ZNF365: variants seen among roughly 807,000 people sequenced by gnomAD.
The protein encoded by ZNF365 is protein ZNF365.
ZNF365 carries 22 observed loss-of-function variants against 35.0 expected under a neutral mutation model. The ratio of observed to expected loss-of-function variants is 0.63; its 90% confidence interval spans 0.45 to 0.90. The LOEUF is 0.90. Ranked by LOEUF, ZNF365 falls within the 40% of genes least tolerant of loss-of-function variation. The pLI is 0.00. For synonymous variants in ZNF365, 188 were observed against 196.2 expected, an observed-to-expected ratio of 0.96 and a Z score of 0.35; for missense variants, 448 against 500.3, an observed-to-expected ratio of 0.90 and a Z score of 1.00.
At chr10:62,460,753 C>T (rs763714869) in intron 4 of ZNF365, among the ~76,000 whole-genome samples, 16 of 152,058 alleles carry the variant, frequency 1.1e-4, no homozygotes, top group Admixed American at 2.6e-4. Flanking sequence ...AGAGTTGAAA[C>T]GACAATGTGG....
chr10:62,459,907 T>C (rs1000563185), intron 4 of ZNF365: 2 of 905,262 alleles, frequency 2.2e-6, no homozygotes, highest in South Asian at 1.5e-5. Flanking sequence ...TTGGTTTCTG[T>C]ATGAAAACAC....
chr10:62,456,404 T>A (rs1840761204), intron 3 of ZNF365, among the ~76,000 whole-genome samples: 1 of 152,174 alleles, frequency 6.6e-6, no homozygotes, highest in African/African-American at 2.4e-5. Flanking sequence ...CCGTGTAAGA[T>A]GAGAAATTAT....
chr10:62,431,572 T>G (rs1161839093), intron 3 of ZNF365, among the ~76,000 whole-genome samples: 1 of 152,216 alleles, frequency 6.6e-6, no homozygotes, highest in Non-Finnish European at 1.5e-5. Flanking sequence ...GGGTCTACCC[T>G]ATTTTTGATG....
chr10:62,397,349 G>T (rs1180439880), intron 3 of ZNF365, among the ~76,000 whole-genome samples: 2 of 152,110 alleles, frequency 1.3e-5, no homozygotes, highest in African/African-American at 4.8e-5. Flanking sequence ...GTTAGGCTGA[G>T]CTTGGGTTTT....
intron 2 of ZNF365, among the ~76,000 whole-genome samples, chr10:62,377,519 C>A (rs1054173011): frequency 5.3e-5 from 8 of 152,048 alleles, no homozygotes; most frequent in African/African-American, 1.9e-4. Flanking sequence ...TCTGATATTG[C>A]TATACTTCTA....
chr10:62,426,525 A>G (rs1350678610), intron 3 of ZNF365, among the ~76,000 whole-genome samples: 1 of 152,054 alleles, frequency 6.6e-6, no homozygotes, highest in Non-Finnish European at 1.5e-5. Flanking sequence ...TCTGGAAACA[A>G]AGTTTATTAT....
intron 3 of ZNF365, among the ~76,000 whole-genome samples, chr10:62,417,995 C>T (rs1564581716): frequency 6.6e-6 from 1 of 151,818 alleles, no homozygotes; most frequent in Admixed American, 6.6e-5. Context: ...GGAACTAAGA[C>T]TTTAAATTAC....
Position 62,376,726 on chromosome 10 carries a change from A to G in ZNF365, c.533A>G (p.Lys178Arg), listed in dbSNP as rs756429330. 6.2e-7 allele frequency: 1 copy of G among 1,614,206 alleles called. No homozygotes were observed. The highest frequency in any genetic ancestry group is 8.5e-7 in the Non-Finnish European group (1 of 1,180,050). ...GAGGCTGTGGATAGGACCATTGAGA[A>G]GAGAATTGATAAACTCACCAAAGAG... ...MVEAVDRTIE[K>R]RIDKLTKELA... is the part of the protein sequence containing the mutation. Residue 178 changes from lysine to arginine, a missense_variant, in exon 2 of 5, where the codon AAG becomes AGG. Lys to Arg is a conservative substitution (Grantham distance 26). Around this residue, in one of 3 missense-constraint regions of ZNF365, gnomAD observed 362 missense variants for 375.7 expected, o/e 0.96. Coordinates refer to ENST00000395254, the MANE Select transcript of ZNF365 (RefSeq NM_014951.3).
At chr10:62,447,019 T>A (rs998480515) in intron 3 of ZNF365, among the ~76,000 whole-genome samples, 1 of 152,194 alleles carries the variant, frequency 6.6e-6, no homozygotes, top group Non-Finnish European at 1.5e-5. Context: ...TTCCTGTCAA[T>A]TAAAAACTAT....
chr10:62,400,763 G>T lies in ZNF365; in HGVS notation c.*974G>T. 2 of 985,604 alleles carry T rather than the reference G, an allele frequency of 2.0e-6. No homozygotes were observed. The highest frequency in any genetic ancestry group is 2.4e-6 in the Non-Finnish European group (2 of 830,064). The allele number at this position is 985,604 out of a possible 1,614,324, so 61.1% of individuals were successfully genotyped here. Reference sequence around the variant, plus strand: ...CTGCTATGGGCATGACTTTCTCTTCGCTGGCTTAACTTTTCCACTGGGTGG... The same window carrying T: ...CTGCTATGGGCATGACTTTCTCTTCTCTGGCTTAACTTTTCCACTGGGTGG... On this transcript the variant is annotated 3_prime_UTR_variant, in exon 5 of 5. Coordinates refer to ENST00000395254, the MANE Select transcript of ZNF365 (RefSeq NM_014951.3).
chr10:62,429,665 A>G (rs1840305243), intron 3 of ZNF365, among the ~76,000 whole-genome samples: 2 of 152,232 alleles, frequency 1.3e-5, no homozygotes, highest in Admixed American at 1.3e-4. Context: ...AATGTCATTT[A>G]TTCTAACTTC....
chr10:62,475,540 A>T (rs933526779), intron 4 of ZNF365, among the ~76,000 whole-genome samples: 1 of 152,262 alleles, frequency 6.6e-6, no homozygotes, highest in African/African-American at 2.4e-5. Context: ...CTACCTTGAA[A>T]GCAAATTACA....
At chr10:62,377,959 T>C (rs1371296791) in intron 2 of ZNF365, among the ~76,000 whole-genome samples, 1 of 152,248 alleles carries the variant, frequency 6.6e-6, no homozygotes, top group Non-Finnish European at 1.5e-5. Context: ...AATTAGAACT[T>C]CCTGAGACAC....
At chr10:62,427,426 G>A (rs1424023611) in intron 3 of ZNF365, among the ~76,000 whole-genome samples, 3 of 152,130 alleles carry the variant, frequency 2.0e-5, no homozygotes, top group African/African-American at 4.8e-5. Context: ...AATGTAGCAG[G>A]CTATGCCAGC....
chr10:62,459,440 G>C lies in ZNF365; in HGVS notation c.925-301G>C, dbSNP rs150897931. Among the ~76,000 whole-genome samples the C allele has an allele frequency of 3.0e-3, 454 of 152,298 alleles. 1 individual carries two copies. The highest frequency in any genetic ancestry group is 0.01 in the African/African-American group (435 of 41,564). ...TGGAAAATTACACCCAGATGGGAGG[G>C]AACAGAGAATGTACACACATCCAGA... On this transcript the variant is annotated intron_variant, in intron 3 of 4. Coordinates refer to the ZNF365 transcript ENST00000395255.
At chr10:62,414,592 T>G (rs190827648) in intron 3 of ZNF365, among the ~76,000 whole-genome samples, 1 of 152,148 alleles carries the variant, frequency 6.6e-6, no homozygotes, top group Non-Finnish European at 1.5e-5. Flanking sequence ...ATCCAGGTAA[T>G]GCATCTTCTT....
chr10:62,410,650 G>A (rs1164615362), intron 3 of ZNF365, among the ~76,000 whole-genome samples: 2 of 152,048 alleles, frequency 1.3e-5, no homozygotes, highest in Non-Finnish European at 2.9e-5. Flanking sequence ...GTTTGATGAG[G>A]ATAATGGCTT....
At chr10:62,394,086 C>T (rs1051888339) in intron 3 of ZNF365, among the ~76,000 whole-genome samples, 4 of 152,168 alleles carry the variant, frequency 2.6e-5, no homozygotes, top group Admixed American at 6.5e-5. Flanking sequence ...TATACTTTAT[C>T]CGAAATGCTT....
chr10:62,385,372 A>G (rs1839509283), intron 2 of ZNF365, among the ~76,000 whole-genome samples: 1 of 152,232 alleles, frequency 6.6e-6, no homozygotes, highest in Non-Finnish European at 1.5e-5. Flanking sequence ...AATATTAAAA[A>G]TTAATATCAG....
Sources: allele counts gnomAD v4.1 joint callset (sites outside exome capture counted in the v4.1 genomes callset), GRCh38; gene constraint gnomAD v4.1.1; regional missense constraint gnomAD v4.1.1; transcripts MANE v1.5; gene names NCBI Gene and HGNC (gene_info 2026-07-23, HGNC 2026-07-21).